CDK5RAP1: variants seen among roughly 807,000 people sequenced by gnomAD.
CDK5RAP1 encodes the protein mitochondrial tRNA methylthiotransferase CDK5RAP1.
A neutral mutation model predicts 64.5 loss-of-function variants in CDK5RAP1; 62 were observed. The observed-to-expected ratio is 0.96, with a 90% CI of 0.78 to 1.19. CDK5RAP1 has a LOEUF of 1.19. Among genes scored for constraint, CDK5RAP1 ranks in the 50% most tolerant of loss-of-function variants. The probability of loss-of-function intolerance (pLI) is 0.00; values close to 1 mark genes in which losing one functional copy is unlikely to be tolerated. For synonymous variants in CDK5RAP1, 250 were observed against 261.9 expected (o/e 0.95, Z 0.44); for missense variants, 657 against 735.0 (o/e 0.89, Z 1.23).
chr20:33,371,021 C>T (rs1460165035), intron 10 of CDK5RAP1, among the ~76,000 whole-genome samples: 1 of 152,174 alleles, frequency 6.6e-6, no homozygotes, highest in Non-Finnish European at 1.5e-5. Flanking sequence ...CCGTTGCATG[C>T]GGTAGCTCAC....
At chr20:33,379,061 C>T (rs1986403320) in intron 8 of CDK5RAP1, among the ~76,000 whole-genome samples, 1 of 152,054 alleles carries the variant, frequency 6.6e-6, no homozygotes, top group Non-Finnish European at 1.5e-5. Flanking sequence ...GTGATTCTCC[C>T]ACCTCAGTCT....
chr20:33,384,894 C>T (rs1173648165), intron 7 of CDK5RAP1, among the ~76,000 whole-genome samples: 3 of 152,072 alleles, frequency 2.0e-5, no homozygotes, highest in South Asian at 4.1e-4. Context: ...AGAGTGAAAG[C>T]CCGTCTCAAA....
intron 8 of CDK5RAP1, among the ~76,000 whole-genome samples, chr20:33,374,699 G>A (rs1184769835): frequency 2.0e-4 from 31 of 151,848 alleles, no homozygotes; most frequent in Admixed American, 2.0e-3. Flanking sequence ...CAGTAGCAGG[G>A]ATTACAGGCA....
chr20:33,375,033 A>G (rs1985759967), intron 8 of CDK5RAP1, among the ~76,000 whole-genome samples: 1 of 151,934 alleles, frequency 6.6e-6, no homozygotes, highest in East Asian at 2.0e-4. Context: ...GAAAAAAGAA[A>G]AAAAAAGATA....
intron 8 of CDK5RAP1, among the ~76,000 whole-genome samples, chr20:33,377,784 T>C (rs186121692): frequency 6.6e-6 from 1 of 152,302 alleles, no homozygotes; most frequent in East Asian, 1.9e-4. Context: ...CCCAAGCAGC[T>C]AGGATTACAG....
In CDK5RAP1 at chr20:33,387,389, G is replaced by C; in HGVS notation, c.689C>G (p.Ser230Cys). The change falls in exon 6 of 14, where the codon TCT (serine) becomes TGT (cysteine). Residue 230 changes from serine (S) to cysteine (C), a missense_variant. By Grantham distance (112) the Ser-to-Cys change is moderately radical (BLOSUM62 -1). Coordinates refer to ENST00000346416, the MANE Select transcript of CDK5RAP1 (RefSeq NM_016408.4). Reference sequence around the variant, plus strand: ...GACATCAGCATAGGTCTCGTCCAGAGAGAGCAGCACGTTGGCAGCTTGCTG... The same window carrying C: ...GACATCAGCATAGGTCTCGTCCAGACAGAGCAGCACGTTGGCAGCTTGCTG... ...SGQQAANVLL[S>C]LDETYADVMP... The C allele has an allele frequency of 6.2e-7, 1 of 1,614,176 alleles. No individual in the cohort carries two copies. The highest frequency in any genetic ancestry group is 8.5e-7 in the Non-Finnish European group (1 of 1,180,038).
In CDK5RAP1 at chr20:33,374,187, T is replaced by C; in HGVS notation, c.1133A>G (p.Asp378Gly). The C allele has an allele frequency of 1.9e-6, 3 of 1,613,072 alleles. No individual in the cohort carries two copies. The South Asian group carries it at 3.3e-5, about 18-fold the overall frequency. Residue 378 changes from aspartate (D) to glycine (G), a missense_variant, in exon 9 of 14, where the codon GAT (aspartate) becomes GGT (glycine). Physicochemically the swap from Asp to Gly is moderately conservative, Grantham distance 94. Transcript: ENST00000346416. The part of the protein sequence containing the change: ...DEVLQLIHER[D>G]NICKQIHLPA... ...CAGGTGGATCTGTTTACAGATGTTA[T>C]CTCTCTCATGAATCAGCTGCAGAAC... is the stretch of plus-strand genomic sequence containing the variant.
chr20:33,393,242 A>C (rs923183019), intron 4 of CDK5RAP1, among the ~76,000 whole-genome samples: 3 of 151,984 alleles, frequency 2.0e-5, no homozygotes, highest in Non-Finnish European at 4.4e-5. Flanking sequence ...GCTGGTCTTG[A>C]ATAGTTCACT....
At chr20:33,364,587 T>C (rs116272347) in intron 12 of CDK5RAP1, among the ~76,000 whole-genome samples, 3 of 152,054 alleles carry the variant, frequency 2.0e-5, no homozygotes, top group African/African-American at 7.2e-5. Context: ...GCTTTTTTTT[T>C]GTTTGAGACG....
At chr20:33,389,554 C>T (rs534416150) in intron 5 of CDK5RAP1, among the ~76,000 whole-genome samples, 1 of 151,532 alleles carries the variant, frequency 6.6e-6, no homozygotes, top group Non-Finnish European at 1.5e-5. Flanking sequence ...GGTCAGCCCC[C>T]GCCCGGCCAG....
intron 5 of CDK5RAP1, among the ~76,000 whole-genome samples, chr20:33,388,781 C>T (rs1437073625): frequency 6.6e-6 from 1 of 152,090 alleles, no homozygotes; most frequent in East Asian, 1.9e-4. Flanking sequence ...CGCGCCGCCA[C>T]GCCTGACTGG....
intron 11 of CDK5RAP1, among the ~76,000 whole-genome samples, chr20:33,368,932 A>C (rs1055585541): frequency 7.2e-5 from 11 of 151,808 alleles, no homozygotes; most frequent in Non-Finnish European, 1.3e-4. Context: ...CAAGGTCGAG[A>C]GATCAAGACC....
At chr20:33,362,068 TGGA>T (rs1000950168) in intron 12 of CDK5RAP1, among the ~76,000 whole-genome samples, 1 of 150,066 alleles carries the variant, frequency 6.7e-6, no homozygotes, top group African/African-American at 2.5e-5. Flanking sequence ...ACGGAAGTGG[TGGA>T]GGTGGGTGGA....
rs765757427 is a variant in CDK5RAP1, at chr20:33,360,467, G to A, written c.1567C>T (p.Leu523=). 2 of 1,611,692 alleles carry A rather than the reference G, an allele frequency of 1.2e-6. No homozygotes were observed. Among genetic ancestry groups the A allele is most frequent in the Non-Finnish European group, 1.7e-6 (2 of 1,178,974 alleles). The change falls in exon 13 of 14, where the codon CTG becomes TTG. Residue 523 remains leucine, a synonymous_variant. Coordinates refer to ENST00000346416, the MANE Select transcript of CDK5RAP1 (RefSeq NM_016408.4). ...AGGTTTCCATCATTCCTGCCACACAGGTCAGTGGCAGAGCGTTTACTGAGC... is the reference window on the plus strand; with the variant it reads ...AGGTTTCCATCATTCCTGCCACACAAGTCAGTGGCAGAGCGTTTACTGAGC... The part of the protein sequence containing the change: ...EGLSKRSATD[L]CGRNDGNLKV...
chr20:33,361,195 GA>G (rs1338863518), intron 12 of CDK5RAP1, among the ~76,000 whole-genome samples: 2 of 152,228 alleles, frequency 1.3e-5, no homozygotes, highest in Admixed American at 1.3e-4. Context: ...CTTTCTGCCA[GA>G]AGGTACATGC....
At chr20:33,381,748 A>AT (rs1986777636) in intron 7 of CDK5RAP1, among the ~76,000 whole-genome samples, 1 of 152,014 alleles carries the variant, frequency 6.6e-6, no homozygotes, top group Non-Finnish European at 1.5e-5. Context: ...TCTTTATAAC[A>AT]TTTTTTTCCC....
chr20:33,393,143 G>A (rs758076493), intron 4 of CDK5RAP1, among the ~76,000 whole-genome samples: 1 of 152,086 alleles, frequency 6.6e-6, no homozygotes, highest in Non-Finnish European at 1.5e-5. Flanking sequence ...CTCCCAAAGC[G>A]CTGGGATTAC....
chr20:33,383,939 T>C (rs955034269), intron 7 of CDK5RAP1, among the ~76,000 whole-genome samples: 1 of 151,930 alleles, frequency 6.6e-6, no homozygotes, highest in Non-Finnish European at 1.5e-5. Context: ...AATGCAACAA[T>C]TGTTAAATTT....
At chr20:33,395,445 A>C (rs902338860) in intron 2 of CDK5RAP1, among the ~76,000 whole-genome samples, 5 of 152,036 alleles carry the variant, frequency 3.3e-5, no homozygotes, top group Middle Eastern at 3.2e-3. Flanking sequence ...CTGTCTCTAC[A>C]AAAAATTTAA....
Sources: allele counts gnomAD v4.1 joint callset (sites outside exome capture counted in the v4.1 genomes callset), GRCh38; gene constraint gnomAD v4.1.1; transcripts MANE v1.5; gene names NCBI Gene and HGNC (gene_info 2026-07-23, HGNC 2026-07-21).